PCNT: variants seen among roughly 807,000 people sequenced by gnomAD.
The protein encoded by PCNT is pericentrin.
Under a neutral mutation model 380.4 loss-of-function variants are expected in PCNT, and 319 were observed. The ratio of observed to expected loss-of-function variants is 0.84; its 90% CI spans 0.77 to 0.92. The LOEUF (loss-of-function observed/expected upper bound fraction) is 0.92. PCNT is among the 40% of genes least tolerant of loss of function. PCNT has a pLI of 0.00. For synonymous variants in PCNT, 1,845 were observed against 1,735.2 expected (o/e 1.06, Z -1.57); for missense variants, 4,400 against 4,255.3 (o/e 1.03, Z -0.95).
chr21:46,346,812 C>T lies in PCNT; in HGVS notation c.790C>T (p.Leu264=), dbSNP rs764515195. Residue 264 remains leucine, a synonymous_variant, in exon 5 of 47, where the codon CTG becomes TTG. Transcript: ENST00000359568. The stretch of plus-strand genomic sequence containing the variant: ...CAACATGCACACGGCGCAGCTGGAG[C>T]TGACACAGGCCAACCTCCAGAAGGA... The part of the protein sequence containing the change: ...LSNMHTAQLE[L]TQANLQKEKE... The T allele has an allele frequency of 1.6e-5, 25 of 1,603,464 alleles. No homozygotes were observed. The Middle Eastern group carries it at 5.1e-4, about 32-fold the overall frequency.
At position 46,367,879 on chromosome 21, in the gene PCNT, A is replaced by G. The variant is rs16979126; in HGVS notation, c.3165+740A>G. Among the ~76,000 whole-genome samples, 761 of 152,330 alleles carry G rather than the reference A, an allele frequency of 5.0e-3. 4 individuals are homozygous for G. Among genetic ancestry groups the G allele is most frequent in the African/African-American group, 0.017 (705 of 41,582 alleles). ...AATAAAACCCTTTTGCTACATTTCAAGAGCAGTGATGGGCCAGGCACAATG... is the reference window on the plus strand; with the variant it reads ...AATAAAACCCTTTTGCTACATTTCAGGAGCAGTGATGGGCCAGGCACAATG... On this transcript the variant is annotated intron_variant, in intron 15 of 46. Transcript: ENST00000359568.
chr21:46,392,537 C>G (rs961981676), intron 21 of PCNT, among the ~76,000 whole-genome samples: 8 of 152,198 alleles, frequency 5.3e-5, no homozygotes, highest in Admixed American at 5.2e-4. Flanking sequence ...TATGGTTTCT[C>G]ACTGCCTTCG....
Position 46,435,805 on chromosome 21 carries a change from G to A in PCNT, c.8752-99G>A, listed in dbSNP as rs1177831822. On this transcript the variant is annotated intron_variant, in intron 38 of 46. Coordinates refer to ENST00000359568, the MANE Select transcript of PCNT (RefSeq NM_006031.6). ...GATCTGCCCGCCTCGGCCTCCCAAA[G>A]TGCTAGGATTACAGGCATGAACCAC... is the stretch of plus-strand genomic sequence containing the variant. 4.2e-6 allele frequency: 6 copies of A among 1,425,578 alleles called. No homozygotes were observed. In the South Asian group the frequency reaches 7.0e-5, roughly 17 times the overall value. 88.3% of individuals were successfully genotyped at this position (1,425,578 alleles called of 1,614,324 possible). A position where few individuals can be genotyped will look rare whatever the true frequency, so the allele number is the denominator to read the frequency against.
At chr21:46,387,243 C>T (rs1479156518) in intron 17 of PCNT, among the ~76,000 whole-genome samples, 2 of 152,176 alleles carry the variant, frequency 1.3e-5, no homozygotes, top group Non-Finnish European at 1.5e-5. Context: ...GCAGGTCTCT[C>T]TTTGTTCTTT....
rs13052786 is a variant in PCNT, at chr21:46,413,013, G to A, written c.6150+21G>A. 1,043 of 1,587,958 alleles carry A rather than the reference G, an allele frequency of 6.6e-4. 5 individuals carry two copies. The African/African-American group carries it at 8.6e-3, about 13-fold the overall frequency. ...GCAAGGTGTGGGGAGGGGGGAAGGC[G>A]CGAGGTCCCCCCGGGAGAGGCTGGA... On this transcript the variant is annotated intron_variant, in intron 29 of 46. Transcript: ENST00000359568.
intron 5 of PCNT, 27 bp downstream of exon 5, chr21:46,347,025 C>T (rs1184258680): frequency 1.1e-5 from 17 of 1,584,412 alleles, no homozygotes; most frequent in South Asian, 2.3e-5. Flanking sequence ...CGGGCACGGG[C>T]AGCGTGTGGG....
intron 44 of PCNT, among the ~76,000 whole-genome samples, chr21:46,443,600 G>A (rs956179824): frequency 2.6e-5 from 4 of 152,088 alleles, no homozygotes; most frequent in African/African-American, 9.7e-5. Context: ...CCCCGGAGAC[G>A]GGCTACCCCT....
chr21:46,361,063 C>T (rs1203601319), intron 13 of PCNT, among the ~76,000 whole-genome samples: 1 of 152,104 alleles, frequency 6.6e-6, no homozygotes, highest in Non-Finnish European at 1.5e-5. Context: ...TTCCTCTTTG[C>T]ATTATGTTTT....
intron 14 of PCNT, among the ~76,000 whole-genome samples, chr21:46,366,029 TTCACTGCCTTGGGGTTCTATTCAC>T (rs1402755877): frequency 1.3e-5 from 2 of 150,942 alleles, no homozygotes; most frequent in Non-Finnish European, 1.5e-5. Context: ...GTTCTATTCA[TTCACTGCCTTGGGGTTCTATTCAC>T]TCACTGCCTT....
rs1157294607 is a variant in PCNT, at chr21:46,444,838, C to A, written c.9967+17C>A. The A allele has an allele frequency of 1.2e-6, 2 of 1,611,696 alleles. No individual in the cohort carries two copies. Among genetic ancestry groups the A allele is most frequent in the Non-Finnish European group, 1.7e-6 (2 of 1,177,872 alleles). On this transcript the variant is annotated intron_variant, in intron 46 of 46. Transcript: ENST00000359568. The stretch of plus-strand genomic sequence containing the variant: ...TACTACCAGGTAATGCAAGTCCTCG[C>A]CGAGTATTTATTAAGCTGATTATCA...
rs545940077 is a variant in PCNT, at chr21:46,401,784, T to TG, written c.4962+65dup. ...GGTCAGTGTCCAGTGGGCTTCTCTG[T>TG]GGCAGATCCGATGTCCAGATAACAC... On this transcript the variant is annotated intron_variant, in intron 26 of 46. Transcript: ENST00000359568. 1.7e-3 allele frequency: 2,602 copies of TG among 1,505,310 alleles called. 44 individuals are homozygous for TG. The South Asian group carries it at 0.02, about 12-fold the overall frequency. The allele number at this position is 1,505,310 out of a possible 1,614,324, so 93.2% of individuals were successfully genotyped here. A position where few individuals can be genotyped will look rare whatever the true frequency, so the allele number is the denominator to read the frequency against.
At chr21:46,423,331 C>A (rs998409508) in intron 32 of PCNT, among the ~76,000 whole-genome samples, 1 of 151,588 alleles carries the variant, frequency 6.6e-6, no homozygotes, top group Non-Finnish European at 1.5e-5. Context: ...GCTTGGATTA[C>A]AGGCGTGAGC....
chr21:46,366,053 C>T (rs989622214), intron 14 of PCNT, among the ~76,000 whole-genome samples: 2 of 149,810 alleles, frequency 1.3e-5, no homozygotes, highest in Admixed American at 6.6e-5. Flanking sequence ...GTTCTATTCA[C>T]TCACTGCCTT....
Position 46,355,478 on chromosome 21 carries a change from G to A in PCNT, c.1788G>A (p.Glu596=), listed in dbSNP as rs2084438762. 2 of 1,614,054 alleles carry A rather than the reference G, an allele frequency of 1.2e-6. No individual in the cohort carries two copies. The highest frequency in any genetic ancestry group is 1.7e-6 in the Non-Finnish European group (2 of 1,180,034). ...HKESLPRFQA[E]LEESHRHQLE... is the part of the protein sequence containing the mutation. ...AGAGCCTGCCACGCTTCCAGGCGGA[G>A]TTAGAAGAAAGCCACAGGCACCAGC... Residue 596 remains glutamate, a synonymous_variant, in exon 12 of 47, where the codon GAG becomes GAA. Transcript: ENST00000359568.
At chr21:46,404,527 G>A (rs756471672) in intron 27 of PCNT, among the ~76,000 whole-genome samples, 11 of 138,166 alleles carry the variant, frequency 8.0e-5, no homozygotes, top group Admixed American at 1.4e-4. Flanking sequence ...CTCTTCTCAC[G>A]CTTCTGGCTA....
chr21:46,337,922 G>T (rs1443598261), intron 3 of PCNT, among the ~76,000 whole-genome samples: 3 of 151,946 alleles, frequency 2.0e-5, no homozygotes, highest in Admixed American at 6.6e-5. Context: ...TGTCCAGGCT[G>T]TAGTGCAGCG....
chr21:46,426,947 G>C (rs2087534269), intron 33 of PCNT, among the ~76,000 whole-genome samples: 1 of 152,172 alleles, frequency 6.6e-6, no homozygotes, highest in African/African-American at 2.4e-5. Context: ...GAGCCGGTGG[G>C]AGGGTCAGCC....
intron 16 of PCNT, among the ~76,000 whole-genome samples, chr21:46,383,300 G>A (rs867821110): frequency 2.1e-5 from 3 of 142,124 alleles, no homozygotes; most frequent in East Asian, 2.2e-4. Context: ...CAGCGGAAGC[G>A]CATTCACGGT....
Position 46,440,891 on chromosome 21 carries a change from A to G in PCNT, c.9430A>G (p.Ser3144Gly). Residue 3144 changes from serine to glycine, a missense_variant, in exon 43 of 47, where the codon AGC (serine) becomes GGC (glycine). Transcript: ENST00000359568. ...KLYLHYLRAE[S>G]FRKALIYQKK... ...GTACCTGCATTACTTGAGAGCAGAG[A>G]GCTTTAGAAAAGCTCTGATTTATCA... The G allele has an allele frequency of 1.9e-6, 3 of 1,613,000 alleles. No individual in the cohort carries two copies. The highest frequency in any genetic ancestry group is 2.5e-6 in the Non-Finnish European group (3 of 1,178,930).
Sources: allele counts gnomAD v4.1 joint callset (sites outside exome capture counted in the v4.1 genomes callset), GRCh38; gene constraint gnomAD v4.1.1; transcripts MANE v1.5; gene names NCBI Gene and HGNC (gene_info 2026-07-23, HGNC 2026-07-21).